Variants in CSMD1 observed in about 807,000 individuals in gnomAD.
The protein encoded by CSMD1 is CUB and Sushi multiple domains 1, also known as CUB and sushi domain-containing protein 1.
CSMD1 carries 213 observed loss-of-function variants against 417.5 expected under a neutral mutation model. The observed-to-expected ratio is 0.51, with a 90% CI of 0.46 to 0.57. CSMD1 has a LOEUF of 0.57. Ranked by LOEUF, CSMD1 falls within the 20% of genes least tolerant of loss-of-function variation. The probability of loss-of-function intolerance (pLI) is 0.00; values close to 1 mark genes in which losing one functional copy is unlikely to be tolerated. For synonymous variants in CSMD1, 2,862 were observed against 1,736.8 expected (o/e 1.65, Z -16.11); for missense variants, 6,923 against 4,529.7 (o/e 1.53, Z -15.17).
At chr8:4,636,561 A>G (rs1326075776) in intron 2 of CSMD1, among the ~76,000 whole-genome samples, 1 of 152,190 alleles carries the variant, frequency 6.6e-6, no homozygotes, top group Admixed American at 6.5e-5. Flanking sequence ...TCAAGAATTT[A>G]TCTTTGTTCT....
chr8:3,797,613 T>G (rs1800232252), intron 5 of CSMD1, among the ~76,000 whole-genome samples: 1 of 151,980 alleles, frequency 6.6e-6, no homozygotes, highest in African/African-American at 2.4e-5. Flanking sequence ...AGTCACACTT[T>G]TTATTGTTGG....
intron 1 of CSMD1, among the ~76,000 whole-genome samples, chr8:4,824,137 G>T (rs997493511): frequency 6.6e-6 from 1 of 150,996 alleles, no homozygotes; most frequent in African/African-American, 2.4e-5. Flanking sequence ...TACATGTAAG[G>T]AAATGGGGAA....
chr8:4,036,463 G>A (rs954198805), intron 3 of CSMD1, among the ~76,000 whole-genome samples: 1 of 152,100 alleles, frequency 6.6e-6, no homozygotes, highest in African/African-American at 2.4e-5. Context: ...CCCCAAGAAG[G>A]TGTCTGAAAA....
chr8:4,183,550 G>C lies in CSMD1; in HGVS notation c.416-151451C>G, dbSNP rs559279122. On this transcript the variant is annotated intron_variant, in intron 3 of 69. Transcript: ENST00000635120. ...GGTTTATTTGTAATATGATAAGTCA[G>C]AGACAGACATTCCTTTAAAATTTGA... Among the ~76,000 whole-genome samples, 152 of 152,252 alleles carry C rather than the reference G, an allele frequency of 1.0e-3. 1 individual carries two copies. The South Asian group carries it at 0.013, about 13-fold the overall frequency.
intron 10 of CSMD1, among the ~76,000 whole-genome samples, chr8:3,541,716 C>G (rs1798445584): frequency 1.3e-5 from 2 of 148,340 alleles, no homozygotes; most frequent in South Asian, 2.1e-4. Flanking sequence ...TTTTCTTTAT[C>G]AACAATTAAA....
intron 8 of CSMD1, among the ~76,000 whole-genome samples, chr8:3,614,405 C>T (rs1429419131): frequency 2.0e-5 from 3 of 152,132 alleles, no homozygotes; most frequent in Non-Finnish European, 4.4e-5. Context: ...TGAATTTAAA[C>T]CTCTTCTTCA....
intron 10 of CSMD1, among the ~76,000 whole-genome samples, chr8:3,535,231 G>A (rs76871703): frequency 0.01 from 1,594 of 152,188 alleles, 28 homozygotes; most frequent in African/African-American, 0.037. Context: ...AGGATTACAG[G>A]CATGAGCCAC....
chr8:3,886,013 G>A (rs146396468), intron 5 of CSMD1, among the ~76,000 whole-genome samples: 72 of 151,626 alleles, frequency 4.7e-4, no homozygotes, highest in African/African-American at 1.4e-3. Context: ...ATATATATGT[G>A]TACATATATA....
intron 1 of CSMD1, among the ~76,000 whole-genome samples, chr8:4,807,095 C>A (rs1255291580): frequency 6.6e-6 from 1 of 152,118 alleles, no homozygotes; most frequent in Non-Finnish European, 1.5e-5. Flanking sequence ...TAACCACAGA[C>A]TAATACATTC....
chr8:3,911,299 T>A (rs190451398), intron 5 of CSMD1, among the ~76,000 whole-genome samples: 1 of 151,496 alleles, frequency 6.6e-6, no homozygotes, highest in East Asian at 1.9e-4. Context: ...TAATCATAGA[T>A]CCTTTTTTTT....
At position 4,033,120 on chromosome 8, in the gene CSMD1, T is replaced by C. The variant is rs535648723; in HGVS notation, c.416-1021A>G. ...ACAATAACTTAACTCTTGCAATTAA[T>C]TTCCAATATGAAAAAAAAAAAAAAA... On this transcript the variant is annotated intron_variant, in intron 3 of 69. Transcript: ENST00000635120. Among the ~76,000 whole-genome samples, 3 of 137,812 alleles carry C rather than the reference T, an allele frequency of 2.2e-5. No homozygotes were observed. The East Asian group carries it at 6.5e-4, about 30-fold the overall frequency. The allele number at this position is 137,812 out of a possible 152,430, so 90.4% of individuals were successfully genotyped here.
At chr8:3,324,899 T>C (rs1357259982) in intron 23 of CSMD1, among the ~76,000 whole-genome samples, 9 of 152,168 alleles carry the variant, frequency 5.9e-5, no homozygotes, top group Non-Finnish European at 1.2e-4. Flanking sequence ...TGTTCCTCGG[T>C]CTAGTTGCCT....
chr8:4,531,623 C>G (rs2130459992), intron 2 of CSMD1, among the ~76,000 whole-genome samples: 1 of 152,160 alleles, frequency 6.6e-6, no homozygotes, highest in East Asian at 1.9e-4. Context: ...TCGTCAGGCC[C>G]TCATGGTGCA....
At chr8:3,741,460 G>A (rs933641959) in intron 6 of CSMD1, among the ~76,000 whole-genome samples, 3 of 152,096 alleles carry the variant, frequency 2.0e-5, no homozygotes, top group South Asian at 2.1e-4. Flanking sequence ...ATGACAGAGG[G>A]AGTAGCAATT....
chr8:4,979,593 C>G (rs937111150), intron 1 of CSMD1, among the ~76,000 whole-genome samples: 1 of 152,122 alleles, frequency 6.6e-6, no homozygotes, highest in Non-Finnish European at 1.5e-5. Context: ...GTATTTAAAT[C>G]ATTAAGAAAT....
intron 2 of CSMD1, among the ~76,000 whole-genome samples, chr8:4,554,730 A>C (rs1405898624): frequency 6.6e-6 from 1 of 152,212 alleles, no homozygotes; most frequent in Non-Finnish European, 1.5e-5. Context: ...TTACTATTGT[A>C]GTGATGTATT....
intron 2 of CSMD1, among the ~76,000 whole-genome samples, chr8:4,596,904 G>A (rs1800310171): frequency 6.6e-6 from 1 of 152,148 alleles, no homozygotes; most frequent in Non-Finnish European, 1.5e-5. Context: ...AGTCTCACAA[G>A]ATCTGATGGG....
chr8:3,589,723 T>A (rs528528824), intron 8 of CSMD1, among the ~76,000 whole-genome samples: 2 of 152,302 alleles, frequency 1.3e-5, no homozygotes, highest in South Asian at 4.2e-4. Context: ...TATTGTATAC[T>A]TGAAAATTGT....
At chr8:4,395,406 C>T (rs192654381) in intron 3 of CSMD1, among the ~76,000 whole-genome samples, 107 of 151,728 alleles carry the variant, frequency 7.1e-4, no homozygotes, top group African/African-American at 2.4e-3. Flanking sequence ...GCTCCAGAAG[C>T]GCTAAAGAAT....
Sources: allele counts gnomAD v4.1 joint callset (sites outside exome capture counted in the v4.1 genomes callset), GRCh38; gene constraint gnomAD v4.1.1; transcripts MANE v1.5; gene names NCBI Gene and HGNC (gene_info 2026-07-23, HGNC 2026-07-21).